Variants in DARS1 observed in about 807,000 individuals in gnomAD.
DARS1 encodes the protein aspartate--tRNA ligase, cytoplasmic.
Under a neutral mutation model 68.8 loss-of-function variants are expected in DARS1, and 51 were observed. That is an observed-to-expected ratio of 0.74 (90% CI 0.59 to 0.94). DARS1 has a LOEUF of 0.94. Among genes scored for constraint, DARS1 ranks in the 40% least tolerant of loss-of-function variants. DARS1 has a pLI of 0.00. For missense variants in DARS1, 607 were observed against 597.3 expected (o/e 1.02, Z -0.17); for synonymous variants, 203 against 190.4 (o/e 1.07, Z -0.55).
At chr2:135,965,722 A>AT (rs1438504801) in intron 3 of DARS1, among the ~76,000 whole-genome samples, 2 of 152,194 alleles carry the variant, frequency 1.3e-5, no homozygotes, top group Admixed American at 6.5e-5. Context: ...CAATAAATAC[A>AT]TTTTTTAGAA....
At chr2:135,958,480 AAAAAAGTTCT>A (rs1327633948) in intron 4 of DARS1, among the ~76,000 whole-genome samples, 2 of 152,186 alleles carry the variant, frequency 1.3e-5, no homozygotes, top group African/African-American at 4.8e-5. Flanking sequence ...TCTTTTCCCT[AAAAAAGTTCT>A]AAAAAGTTCT....
chr2:135,909,069 T>C (rs902352221), intron 15 of DARS1, among the ~76,000 whole-genome samples: 1 of 120,764 alleles, frequency 8.3e-6, no homozygotes, highest in Admixed American at 1.1e-4. Context: ...CACTTATAAG[T>C]GGGAGCTGAA....
chr2:135,907,411 G>A lies in DARS1; in HGVS notation c.1415-4C>T. The A allele has an allele frequency of 6.2e-7, 1 of 1,603,330 alleles. No individual in the cohort carries two copies. Among genetic ancestry groups the A allele is most frequent in the Non-Finnish European group, 8.5e-7 (1 of 1,172,428 alleles). ...AGCATAGTAACTCGTTCCAATCCTG[G>A]GGAAGACAAAAATAATCATTAATTC... On this transcript the variant is annotated splice_polypyrimidine_tract_variant and splice_region_variant and intron_variant, in intron 15 of 15. Transcript: ENST00000264161.
chr2:135,908,261 C>A (rs1680828071), intron 15 of DARS1, among the ~76,000 whole-genome samples: 1 of 152,276 alleles, frequency 6.6e-6, no homozygotes, highest in Middle Eastern at 3.4e-3. Flanking sequence ...ACGCACTATT[C>A]TTTTTCCTCC....
At position 135,985,169 on chromosome 2, in the gene DARS1, G is replaced by A. The variant is rs1023383146; in HGVS notation, c.66+234C>T. On this transcript the variant is annotated intron_variant, in intron 1 of 15. Coordinates refer to ENST00000264161, the MANE Select transcript of DARS1 (RefSeq NM_001349.4). ...TGGTTCTTCCCGTCCTCCCCACCCC[G>A]GGGACACGCTTCTAGTAGGCCAAAC... The A allele has an allele frequency of 6.7e-6, 4 of 593,248 alleles. 1 individual carries two copies. The highest frequency in any genetic ancestry group is 1.1e-5 in the Non-Finnish European group (4 of 362,444). The allele number at this position is 593,248 out of a possible 1,614,324, so 36.7% of individuals were successfully genotyped here. A position where few individuals can be genotyped will look rare whatever the true frequency, so the allele number is the denominator to read the frequency against.
chr2:135,954,813 AG>A (rs1442885626), intron 4 of DARS1, among the ~76,000 whole-genome samples: 3 of 152,254 alleles, frequency 2.0e-5, no homozygotes, highest in Middle Eastern at 3.4e-3. Flanking sequence ...AGGTCGAGGA[AG>A]AGTAGCCCAT....
chr2:135,946,027 CAT>C (rs1681712947), intron 4 of DARS1, among the ~76,000 whole-genome samples: 1 of 151,990 alleles, frequency 6.6e-6, no homozygotes, highest in African/African-American at 2.4e-5. Context: ...TTACTGTAGA[CAT>C]GAGTGAATTC....
intron 4 of DARS1, among the ~76,000 whole-genome samples, chr2:135,957,228 C>A (rs1475864999): frequency 6.6e-6 from 1 of 150,894 alleles, no homozygotes; most frequent in Non-Finnish European, 1.5e-5. Flanking sequence ...CCATATCCTA[C>A]TAATTTTTTT....
chr2:135,977,492 T>C (rs1035920121), intron 3 of DARS1, among the ~76,000 whole-genome samples: 3 of 152,236 alleles, frequency 2.0e-5, no homozygotes, highest in African/African-American at 7.2e-5. Context: ...TTCTATCTTT[T>C]AATTTGCTAA....
chr2:135,985,333 C>T, intron 1 of DARS1, 70 bp downstream of exon 1: 1 of 1,564,688 alleles, frequency 6.4e-7, no homozygotes, highest in Non-Finnish European at 8.6e-7. Context: ...CCCACTCCCC[C>T]TCCTCCCTCC....
At chr2:135,964,826 G>A (rs1054123451) in intron 3 of DARS1, among the ~76,000 whole-genome samples, 11 of 107,076 alleles carry the variant, frequency 1.0e-4, no homozygotes, top group East Asian at 9.6e-4. Context: ...GGGTAACAGA[G>A]CAAGACTCCA....
At chr2:135,913,241 A>G (rs1268691334) in intron 12 of DARS1, among the ~76,000 whole-genome samples, 1 of 152,068 alleles carries the variant, frequency 6.6e-6, no homozygotes, top group Non-Finnish European at 1.5e-5. Context: ...TAAGTCCATG[A>G]ATTATTTTGG....
chr2:135,960,931 T>A (rs1553447366), intron 4 of DARS1, among the ~76,000 whole-genome samples: 1 of 152,256 alleles, frequency 6.6e-6, no homozygotes, highest in Non-Finnish European at 1.5e-5. Flanking sequence ...CTAAAAGTTG[T>A]AAAACATTTG....
At chr2:135,937,105 T>C (rs1269055653) in intron 5 of DARS1, among the ~76,000 whole-genome samples, 1 of 152,124 alleles carries the variant, frequency 6.6e-6, no homozygotes, top group Non-Finnish European at 1.5e-5. Context: ...TTTTTTGTTG[T>C]TGAGATGGGG....
chr2:135,980,580 A>G (rs1682603585), intron 2 of DARS1: 2 of 152,242 alleles, frequency 1.3e-5, no homozygotes, highest in Admixed American at 1.3e-4. Flanking sequence ...TGGCATCACA[A>G]GAGGATTTCT....
chr2:135,918,889 A>G (rs1291101640), intron 10 of DARS1, among the ~76,000 whole-genome samples: 2 of 152,234 alleles, frequency 1.3e-5, no homozygotes, highest in Non-Finnish European at 2.9e-5. Flanking sequence ...AATAAACTGC[A>G]TCAAAATGTT....
intron 4 of DARS1, among the ~76,000 whole-genome samples, chr2:135,950,368 C>T (rs1457982877): frequency 6.6e-6 from 1 of 152,204 alleles, no homozygotes; most frequent in Non-Finnish European, 1.5e-5. Flanking sequence ...TATTTCTCTC[C>T]ATACTATTTT....
chr2:135,984,632 T>A (rs1682726064), intron 1 of DARS1, among the ~76,000 whole-genome samples: 1 of 152,244 alleles, frequency 6.6e-6, no homozygotes, highest in Non-Finnish European at 1.5e-5. Flanking sequence ...TGACTCTTCC[T>A]CATTTAGTAT....
At chr2:135,955,704 T>A (rs931069432) in intron 4 of DARS1, among the ~76,000 whole-genome samples, 85 of 139,878 alleles carry the variant, frequency 6.1e-4, no homozygotes, top group Middle Eastern at 3.6e-3. Context: ...TTTTTTTTTT[T>A]TAGACAGGGT....
Sources: gnomAD v4.1 joint callset for allele counts (sites outside exome capture counted in the v4.1 genomes callset) on GRCh38, gnomAD v4.1.1 for gene constraint, MANE v1.5 for transcripts, NCBI Gene and HGNC (gene_info 2026-07-23, HGNC 2026-07-21) for gene names.